BRAP: variants seen among roughly 807,000 people sequenced by gnomAD.
BRAP encodes the protein BRCA1-associated protein.
BRAP carries 42 observed loss-of-function variants against 73.4 expected under a neutral mutation model. The ratio of observed to expected loss-of-function variants is 0.57; its 90% CI spans 0.45 to 0.74. The LOEUF is 0.74. BRAP is among the 30% of genes least tolerant of loss of function. BRAP has a pLI of 0.00. For missense variants in BRAP, 593 were observed against 751.4 expected (o/e 0.79, Z 2.46); for synonymous variants, 255 against 267.4 (o/e 0.95, Z 0.45).
chr12:111,650,481 G>C (rs1007862427), intron 10 of BRAP, among the ~76,000 whole-genome samples: 2 of 152,170 alleles, frequency 1.3e-5, no homozygotes, highest in Non-Finnish European at 2.9e-5. Flanking sequence ...GGCCAGGCTG[G>C]TCTCGAACAC....
intron 11 of BRAP, among the ~76,000 whole-genome samples, chr12:111,648,257 C>T (rs896048616): frequency 6.8e-5 from 10 of 147,002 alleles, no homozygotes; most frequent in South Asian, 2.2e-4. Context: ...GAGATCGCTC[C>T]ACTGTACTCC....
intron 2 of BRAP, among the ~76,000 whole-genome samples, chr12:111,682,497 C>CAAAAAA (rs11366915): frequency 1.0e-4 from 8 of 77,858 alleles, no homozygotes; most frequent in South Asian, 4.1e-4. Context: ...GAGACTGTCT[C>CAAAAAA]AAAAAAAAAA....
intron 9 of BRAP, among the ~76,000 whole-genome samples, chr12:111,656,500 A>G (rs1886538939): frequency 1.3e-5 from 2 of 152,204 alleles, no homozygotes; most frequent in Admixed American, 1.3e-4. Flanking sequence ...TAATATTGAC[A>G]AATATGGGCA....
At chr12:111,649,523 A>G (rs560937801) in intron 11 of BRAP, among the ~76,000 whole-genome samples, 14 of 152,370 alleles carry the variant, frequency 9.2e-5, no homozygotes, top group African/African-American at 3.4e-4. Context: ...CATGCTGTTC[A>G]TGAGTTTTTT....
intron 4 of BRAP, among the ~76,000 whole-genome samples, 198 bp downstream of exon 4, chr12:111,678,953 A>G (rs1386908892): frequency 6.9e-6 from 1 of 145,486 alleles, no homozygotes; most frequent in Non-Finnish European, 1.5e-5. Context: ...ATCTCTACCG[A>G]AAAAAAAAAA....
intron 6 of BRAP, among the ~76,000 whole-genome samples, chr12:111,661,558 C>T (rs973985774): frequency 1.3e-5 from 2 of 152,058 alleles, no homozygotes; most frequent in Non-Finnish European, 2.9e-5. Flanking sequence ...GGATTACAGG[C>T]GTCAGCCACC....
chr12:111,670,762 T>A (rs1332924156), intron 5 of BRAP, among the ~76,000 whole-genome samples: 1 of 151,606 alleles, frequency 6.6e-6, no homozygotes, highest in Non-Finnish European at 1.5e-5. Context: ...AGTGCTGGGA[T>A]TACAAGCATG....
chr12:111,676,041 T>A (rs1887366784), intron 4 of BRAP, among the ~76,000 whole-genome samples: 1 of 151,946 alleles, frequency 6.6e-6, no homozygotes, highest in African/African-American at 2.4e-5. Context: ...TTTTTTTTGA[T>A]CTTTTAAAAA....
At chr12:111,661,721 T>TG (rs1179123623) in intron 6 of BRAP, among the ~76,000 whole-genome samples, 1 of 151,396 alleles carries the variant, frequency 6.6e-6, no homozygotes, top group Non-Finnish European at 1.5e-5. Flanking sequence ...AGGTTTTTTT[T>TG]TTTTTTGTGA....
intron 6 of BRAP, among the ~76,000 whole-genome samples, chr12:111,663,071 G>C (rs1488322182): frequency 6.6e-6 from 1 of 151,612 alleles, no homozygotes; most frequent in African/African-American, 2.4e-5. Flanking sequence ...ATTTGATCTT[G>C]AAAAGAAAAA....
chr12:111,681,015 C>T (rs1329581446), intron 3 of BRAP, among the ~76,000 whole-genome samples: 3 of 152,208 alleles, frequency 2.0e-5, no homozygotes, highest in Non-Finnish European at 4.4e-5. Flanking sequence ...TACAAAGATG[C>T]TGTGGATCAT....
chr12:111,682,449 C>T (rs1183597177), intron 2 of BRAP, among the ~76,000 whole-genome samples: 6 of 143,252 alleles, frequency 4.2e-5, no homozygotes, highest in African/African-American at 1.3e-4. Context: ...TGCAGTAAGC[C>T]GAGATCATGC....
At chr12:111,652,838 T>C (rs1886379733) in intron 10 of BRAP, among the ~76,000 whole-genome samples, 1 of 152,124 alleles carries the variant, frequency 6.6e-6, no homozygotes, top group South Asian at 2.1e-4. Context: ...GCCTCCTAAG[T>C]AGCTGGGACT....
chr12:111,649,547 C>G (rs1886241757), intron 11 of BRAP, among the ~76,000 whole-genome samples: 1 of 152,270 alleles, frequency 6.6e-6, no homozygotes, highest in Non-Finnish European at 1.5e-5. Flanking sequence ...CCATATTCAA[C>G]ATCTCTTGCC....
In BRAP at chr12:111,642,252, A is replaced by AT. The variant is rs1885922803; in HGVS notation, c.*1946dup. The stretch of plus-strand genomic sequence containing the variant: ...AAGAAAACAACTTCTGTCTGATGTG[A>AT]TTTTGTGAAATTCAAACATGACTCT... On this transcript the variant is annotated 3_prime_UTR_variant, in exon 12 of 12. Transcript: ENST00000419234. 1.3e-5 allele frequency: 2 copies of AT among 152,022 alleles called. No individual in the cohort carries two copies. Among genetic ancestry groups the AT allele is most frequent in the Non-Finnish European group, 2.9e-5 (2 of 68,004 alleles). The allele number at this position is 152,022 out of a possible 1,614,324, so 9.4% of individuals were successfully genotyped here. A position where few individuals can be genotyped will look rare whatever the true frequency, so the allele number is the denominator to read the frequency against.
rs368713388 is a variant in BRAP, at chr12:111,659,350, C to A, written c.973-5G>T. On this transcript the variant is annotated splice_polypyrimidine_tract_variant and splice_region_variant and intron_variant, in intron 7 of 11. Coordinates refer to ENST00000419234, the MANE Select transcript of BRAP (RefSeq NM_006768.5). ...TATTAAACAAATCCAAAGATTCTGC[C>A]GGAAGAGGTAAGATCTTAATTAGTT... is the stretch of plus-strand genomic sequence containing the variant. The A allele has an allele frequency of 1.9e-5, 30 of 1,610,538 alleles. No individual in the cohort carries two copies. The highest frequency in any genetic ancestry group is 2.5e-5 in the Non-Finnish European group (30 of 1,177,990).
intron 10 of BRAP, among the ~76,000 whole-genome samples, chr12:111,651,108 A>G (rs977335869): frequency 1.1e-4 from 16 of 152,140 alleles, no homozygotes; most frequent in Non-Finnish European, 1.8e-4. Context: ...ACAAGGCAAT[A>G]TAACAGGAAC....
intron 5 of BRAP, among the ~76,000 whole-genome samples, chr12:111,671,418 C>T (rs1402827081): frequency 2.0e-5 from 3 of 152,066 alleles, no homozygotes; most frequent in African/African-American, 7.2e-5. Context: ...GGCATAGTGG[C>T]GTATGCCTGT....
chr12:111,665,855 T>C lies in BRAP; in HGVS notation c.748-68A>G, dbSNP rs1886919652. On this transcript the variant is annotated intron_variant, in intron 5 of 11. Transcript: ENST00000419234. This position sits in a 1 kb window ranked among gnomAD's most constrained non-coding sequence, Gnocchi z 4.3. ...GCAATACTTTATTTTTCCTTCTTTT[T>C]TCTGAGACAGGGTCTCGCTCTCTGT... 6.3e-7 allele frequency: 1 copy of C among 1,596,026 alleles called. No individual in the cohort carries two copies. The highest frequency in any genetic ancestry group is 1.1e-5 in the South Asian group (1 of 90,126).
Sources: gnomAD v4.1 joint callset for allele counts (sites outside exome capture counted in the v4.1 genomes callset) on GRCh38, gnomAD v4.1.1 for gene constraint, Gnocchi (gnomAD v3.1) non-coding constraint, MANE v1.5 for transcripts, NCBI Gene and HGNC (gene_info 2026-07-23, HGNC 2026-07-21) for gene names.